Variants in URB1 observed in about 807,000 individuals in gnomAD.
URB1 encodes URB1 ribosome biogenesis factor.
A neutral mutation model predicts 242.3 loss-of-function variants in URB1; 197 were observed. That is an observed-to-expected ratio of 0.81 (90% CI 0.72 to 0.91). The LOEUF (loss-of-function observed/expected upper bound fraction) is 0.91, where lower values mean the gene tolerates loss of function less well. Ranked by LOEUF, URB1 falls within the 40% of genes least tolerant of loss-of-function variation. The pLI, the probability that URB1 is intolerant of heterozygous loss-of-function variation, is 0.00. For missense variants in URB1, 2,721 were observed against 2,860.5 expected (o/e 0.95, Z 1.11); for synonymous variants, 1,153 against 1,201.8 (o/e 0.96, Z 0.84).
At chr21:32,391,605 C>A (rs1479026682) in intron 1 of URB1, among the ~76,000 whole-genome samples, 2 of 152,136 alleles carry the variant, frequency 1.3e-5, no homozygotes, top group African/African-American at 2.4e-5. Context: ...TTTATCTCTA[C>A]CGTAGCAAAT....
At chr21:32,389,638 G>A (rs2033617977) in intron 1 of URB1, among the ~76,000 whole-genome samples, 1 of 152,228 alleles carries the variant, frequency 6.6e-6, no homozygotes, top group Non-Finnish European at 1.5e-5. Context: ...GGAGGGTTCT[G>A]GCAGGAACAT....
chr21:32,353,710 C>T (rs1314107981), intron 18 of URB1, among the ~76,000 whole-genome samples: 1 of 152,196 alleles, frequency 6.6e-6, no homozygotes, highest in Admixed American at 6.5e-5. Flanking sequence ...TTATTTCAGA[C>T]TCACGCTCAA....
intron 15 of URB1, among the ~76,000 whole-genome samples, chr21:32,356,680 T>C (rs1383662654): frequency 2.0e-5 from 3 of 152,192 alleles, no homozygotes; most frequent in Non-Finnish European, 4.4e-5. Context: ...GAGGCAGGAC[T>C]TGAATGTGCA....
chr21:32,363,005 C>T, intron 11 of URB1, 151 bp downstream of exon 11: 1 of 966,038 alleles, frequency 1.0e-6, no homozygotes, highest in South Asian at 1.8e-5. Context: ...CTCAGCTGAC[C>T]CTCAGCACCC....
At chr21:32,392,741 G>T in intron 1 of URB1, 28 bp downstream of exon 1, 1 of 1,410,002 alleles carries the variant, frequency 7.1e-7, no homozygotes, top group Non-Finnish European at 9.2e-7. Context: ...CTGTGCTCCC[G>T]ACCCTGCGCC....
chr21:32,333,385 C>G lies in URB1; in HGVS notation c.4892G>C (p.Arg1631Thr). The change falls in exon 30 of 39, where the codon AGG becomes ACG. Residue 1631 changes from arginine to threonine, a missense_variant. Transcript: ENST00000382751. The stretch of plus-strand genomic sequence containing the variant: ...GTCATAGAGGCCATCAAGATCCACC[C>G]TGCTTTTGTCTTTGAATATCAGCTC... ...TQELIFKDKS[R>T]VDLDGLYDPC... is the part of the protein sequence containing the mutation. 6.4e-7 allele frequency: 1 copy of G among 1,551,704 alleles called. No homozygotes were observed. The highest frequency in any genetic ancestry group is 8.7e-7 in the Non-Finnish European group (1 of 1,146,982).
chr21:32,355,412 C>T, intron 16 of URB1, 37 bp downstream of exon 16: 1 of 1,528,078 alleles, frequency 6.5e-7, no homozygotes, highest in Non-Finnish European at 8.9e-7. Flanking sequence ...ATAATTATCT[C>T]TGAGCATGTT....
chr21:32,332,227 AT>A lies in URB1; in HGVS notation c.4960+1089del, dbSNP rs551273023. 7.9e-5 allele frequency among the ~76,000 whole-genome samples: 12 copies of A among 152,260 alleles called. No individual in the cohort carries two copies. In the South Asian group the frequency reaches 2.5e-3, roughly 32 times the overall value. On this transcript the variant is annotated intron_variant, in intron 30 of 38. Transcript: ENST00000382751. ...AAACTAGAAACTTTTAGATAGAAAC[AT>A]AAGAAAAATTCCTCAGGATCTAGGA...
At chr21:32,360,629 A>G (rs1385042882) in intron 13 of URB1, among the ~76,000 whole-genome samples, 1 of 152,188 alleles carries the variant, frequency 6.6e-6, no homozygotes, top group East Asian at 1.9e-4. Context: ...AACTATGTCA[A>G]AAGTGTCTCT....
intron 15 of URB1, 133 bp downstream of exon 15, chr21:32,357,404 T>C (rs1207735496): frequency 1.0e-6 from 1 of 998,494 alleles, no homozygotes; most frequent in East Asian, 4.2e-5. Flanking sequence ...TAAACTGCCA[T>C]AAAACCTTCT....
At chr21:32,352,619 C>T in intron 19 of URB1, 91 bp downstream of exon 19, 1 of 1,473,212 alleles carries the variant, frequency 6.8e-7, no homozygotes, top group Admixed American at 2.0e-5. Context: ...GGCTGTCTGG[C>T]TACCCAACTG....
intron 5 of URB1, among the ~76,000 whole-genome samples, chr21:32,376,385 G>A (rs2033458964): frequency 6.6e-6 from 1 of 152,108 alleles, no homozygotes. Flanking sequence ...TGCTTACTGG[G>A]CACACAGAAT....
At position 32,354,884 on chromosome 21, in the gene URB1, C is replaced by T; in HGVS notation, c.2220G>A (p.Met740Ile). ...ATMTKQEADD[M>I]SIPISHIDDV... Reference sequence around the variant, plus strand: ...CGTCAATGTGGGAGATGGGAATGCTCATGTCATCGGCTTCTTGCTTCGTCA... The same window carrying T: ...CGTCAATGTGGGAGATGGGAATGCTTATGTCATCGGCTTCTTGCTTCGTCA... The change falls in exon 17 of 39, where the codon ATG becomes ATA. Residue 740 changes from methionine (M) to isoleucine (I), a missense_variant. Transcript: ENST00000382751. 1.3e-6 allele frequency: 2 copies of T among 1,552,376 alleles called. No individual in the cohort carries two copies. Among genetic ancestry groups the T allele is most frequent in the South Asian group, 1.2e-5 (1 of 84,060 alleles).
chr21:32,351,395 C>T (rs1442383965), intron 19 of URB1, among the ~76,000 whole-genome samples: 5 of 152,356 alleles, frequency 3.3e-5, no homozygotes, highest in African/African-American at 1.2e-4. Context: ...TGGAGCCCTT[C>T]TGCCTCAAAC....
chr21:32,321,904 T>C lies in URB1; in HGVS notation c.5381A>G (p.Gln1794Arg). 6.4e-7 allele frequency: 1 copy of C among 1,551,674 alleles called. No homozygotes were observed. Among genetic ancestry groups the C allele is most frequent in the Non-Finnish European group, 8.7e-7 (1 of 1,146,990 alleles). The stretch of plus-strand genomic sequence containing the variant: ...GTAGCACTGCTTGTCACGGATCCCC[T>C]GCCGCAGAACGCCAAACACCCACTT... ...EQKWVFGVLR[Q>R]GIRDKQCYEL... Residue 1794 changes from glutamine (Q) to arginine (R), a missense_variant, in exon 34 of 39, where the codon CAG becomes CGG. Transcript: ENST00000382751.
intron 1 of URB1, among the ~76,000 whole-genome samples, chr21:32,390,091 T>A (rs917905187): frequency 1.3e-5 from 2 of 152,110 alleles, no homozygotes; most frequent in Admixed American, 1.3e-4. Context: ...CAAACACAAG[T>A]TCAACACAGC....
intron 28 of URB1, among the ~76,000 whole-genome samples, chr21:32,336,302 G>A (rs1291946440): frequency 6.6e-6 from 1 of 152,026 alleles, no homozygotes; most frequent in African/African-American, 2.4e-5. Flanking sequence ...ACTTTGACGT[G>A]GAAATTGTTT....
At chr21:32,336,892 C>G (rs2032965642) in intron 28 of URB1, among the ~76,000 whole-genome samples, 1 of 152,244 alleles carries the variant, frequency 6.6e-6, no homozygotes, top group Non-Finnish European at 1.5e-5. Context: ...TGCAGTGGCC[C>G]TGCCCAGATG....
At position 32,347,104 on chromosome 21, in the gene URB1, C is replaced by G. The variant is rs866915196; in HGVS notation, c.3720G>C (p.Glu1240Asp). 1 of 1,550,164 alleles carries G rather than the reference C, an allele frequency of 6.5e-7. No homozygotes were observed. Among genetic ancestry groups the G allele is most frequent in the Admixed American group, 2.0e-5 (1 of 51,006 alleles). Residue 1240 changes from glutamate (E) to aspartate (D), a missense_variant, in exon 22 of 39, where the codon GAG (glutamate) becomes GAC (aspartate). By Grantham distance (45) the Glu-to-Asp change is conservative. Coordinates refer to ENST00000382751, the MANE Select transcript of URB1 (RefSeq NM_014825.3). ...CGAACCACAGCAAGTGGGTGCAGCT[C>G]TCCTGGAGGAGCAGGGCAGCGATGC... ...ALSIAALLLQ[E>D]SCTHLLWFEQ... is the part of the protein sequence containing the mutation.
Sources: allele counts gnomAD v4.1 joint callset (sites outside exome capture counted in the v4.1 genomes callset), GRCh38; gene constraint gnomAD v4.1.1; transcripts MANE v1.5; gene names NCBI Gene and HGNC (gene_info 2026-07-23, HGNC 2026-07-21).